Variants in KPNA7 observed in about 807,000 individuals in gnomAD.
KPNA7 encodes the protein karyopherin subunit alpha 7.
A neutral mutation model predicts 53.7 loss-of-function variants in KPNA7; 54 were observed. The ratio of observed to expected loss-of-function variants is 1.01; its 90% confidence interval spans 0.81 to 1.26. The LOEUF is 1.26. KPNA7 is among the 50% of genes most tolerant of loss of function. The pLI is 0.00. For synonymous variants in KPNA7, 276 were observed against 259.3 expected (o/e 1.06, Z -0.62); for missense variants, 640 against 644.5 (o/e 0.99, Z 0.07).
Position 99,187,822 on chromosome 7 carries a change from A to T in KPNA7, c.900+478T>A, listed in dbSNP as rs1283780935. Among the ~76,000 whole-genome samples the T allele has an allele frequency of 3.2e-4, 40 of 126,152 alleles. 1 individual carries two copies. Among genetic ancestry groups the T allele is most frequent in the African/African-American group, 1.0e-3 (33 of 31,676 alleles). The allele number at this position is 126,152 out of a possible 152,430, so 82.8% of individuals were successfully genotyped here. A position where few individuals can be genotyped will look rare whatever the true frequency, so the allele number is the denominator to read the frequency against. On this transcript the variant is annotated intron_variant, in intron 7 of 10. Transcript: ENST00000327442. ...TTTAAAAAAAAAAAAAAAAAAAAAAAAAAAAAAAAAAAACCCACTAGGATT... is the reference window on the plus strand; with the variant it reads ...TTTAAAAAAAAAAAAAAAAAAAAAATAAAAAAAAAAAAACCCACTAGGATT...
chr7:99,163,383 A>ATTTTTTT, the KPNA7 span, among the ~76,000 whole-genome samples: 21 of 40,810 alleles, frequency 5.1e-4, 2 homozygotes, highest in Admixed American at 9.8e-4. Context: ...ATATATATAT[A>ATTTTTTT]TTTTTTTTTT....
rs902233417 is a variant in KPNA7 at position 99,185,109 on chromosome 7, C to T, written c.954G>A (p.Thr318=). 24 of 1,551,870 alleles carry T rather than the reference C, an allele frequency of 1.5e-5. No individual in the cohort carries two copies. Among genetic ancestry groups the T allele is most frequent in the Non-Finnish European group, 1.9e-5 (22 of 1,147,084 alleles). ...GCATACCCGCATCAATGGCCATCTG[C>T]GTCTGCTCATCTGTGCCCGTGACAA... ...GNIVTGTDEQ[T]QMAIDAGMLN... Residue 318 remains threonine (T), a synonymous_variant, in exon 8 of 11, where the codon ACG becomes ACA. Coordinates refer to ENST00000327442, the MANE Select transcript of KPNA7 (RefSeq NM_001145715.3).
At chr7:99,145,995 C>T in the KPNA7 span, among the ~76,000 whole-genome samples, 1 of 152,188 alleles carries the variant, frequency 6.6e-6, no homozygotes, top group Non-Finnish European at 1.5e-5. Context: ...CAGCTGTTTC[C>T]ATTTGTAGAT....
intron 9 of KPNA7, among the ~76,000 whole-genome samples, chr7:99,180,018 G>A (rs1799095152): frequency 1.3e-5 from 2 of 152,160 alleles, no homozygotes; most frequent in African/African-American, 4.8e-5. Flanking sequence ...GTAACCAATA[G>A]GATGTTGTGG....
chr7:99,198,042 C>A (rs551908121), intron 3 of KPNA7, among the ~76,000 whole-genome samples: 28 of 152,062 alleles, frequency 1.8e-4, no homozygotes, highest in Middle Eastern at 3.4e-3. Flanking sequence ...TGTTGAAAGC[C>A]AAAACTACAG....
chr7:99,181,480 C>T (rs1167631162), intron 9 of KPNA7, among the ~76,000 whole-genome samples: 1 of 152,174 alleles, frequency 6.6e-6, no homozygotes, highest in Non-Finnish European at 1.5e-5. Flanking sequence ...CGAGATGGCT[C>T]TTTTTGTGTT....
the KPNA7 span, among the ~76,000 whole-genome samples, chr7:99,145,905 C>A: frequency 6.6e-6 from 1 of 152,154 alleles, no homozygotes; most frequent in Admixed American, 6.6e-5. Flanking sequence ...TTCTATGGCA[C>A]CTTGCGGCTC....
chr7:99,193,225 G>A (rs1193815409), intron 5 of KPNA7, 124 bp from the exon 6 acceptor site: 7 of 551,908 alleles, frequency 1.3e-5, no homozygotes, highest in Non-Finnish European at 2.1e-5. Context: ...TTAGCAAGTA[G>A]GTAGTAGAGC....
At chr7:99,205,230 T>A (rs1024427819) in intron 2 of KPNA7, among the ~76,000 whole-genome samples, 4 of 150,366 alleles carry the variant, frequency 2.7e-5, no homozygotes, top group Admixed American at 1.3e-4. Context: ...GAGACCATCC[T>A]GGCCAACATG....
At position 99,181,432 on chromosome 7, in the gene KPNA7, A is replaced by G. The variant is rs73401334; in HGVS notation, c.1317+451T>C. 7.3e-3 allele frequency among the ~76,000 whole-genome samples: 1,111 copies of G among 152,356 alleles called. 14 individuals carry two copies. The highest frequency in any genetic ancestry group is 0.026 in the African/African-American group (1,075 of 41,580). ...GAGCATCTGAAAAAATATCTGGCAC[A>G]TAGACATTTGTTTGAGAAAACGAAG... On this transcript the variant is annotated intron_variant, in intron 9 of 10. Transcript: ENST00000327442.
chr7:99,205,059 G>T (rs1009516180), intron 2 of KPNA7, among the ~76,000 whole-genome samples: 1 of 151,996 alleles, frequency 6.6e-6, no homozygotes, highest in African/African-American at 2.4e-5. Flanking sequence ...CGTTCTCACT[G>T]ATTTCCTTTA....
rs76014124 is a variant in KPNA7, at chr7:99,192,812, T to C, written c.636+207A>G. Among the ~76,000 whole-genome samples, 1,285 of 152,180 alleles carry C rather than the reference T, an allele frequency of 8.4e-3. 15 individuals carry two copies. Among genetic ancestry groups the C allele is most frequent in the African/African-American group, 0.03 (1,233 of 41,520 alleles). On this transcript the variant is annotated intron_variant, in intron 6 of 10. Coordinates refer to ENST00000327442, the MANE Select transcript of KPNA7 (RefSeq NM_001145715.3). The stretch of plus-strand genomic sequence containing the variant: ...TTTCCCAACATTAGAATTTGTTACC[T>C]AACGAGGTTCTCTCTCATTTAAAGA...
rs1563079535 is a variant in KPNA7 at position 99,193,098 on chromosome 7, T to TCAC, written c.554_556dup (p.Gly185dup). On this transcript the variant is annotated inframe_insertion, in exon 6 of 11. Transcript: ENST00000327442. Reference sequence around the variant, plus strand: ...GACGTTATCTCTGAACTCTGGGCCATCACCTACAAATAGAGCAGAATGTGA... The same window carrying TCAC: ...GACGTTATCTCTGAACTCTGGGCCATCACCACCTACAAATAGAGCAGAATGTGA... The TCAC allele has an allele frequency of 9.4e-6, 14 of 1,487,656 alleles. No homozygotes were observed. Among genetic ancestry groups the TCAC allele is most frequent in the Non-Finnish European group, 1.2e-5 (14 of 1,120,358 alleles). 92.2% of individuals were successfully genotyped at this position (1,487,656 alleles called of 1,614,324 possible). A position where few individuals can be genotyped will look rare whatever the true frequency, so the allele number is the denominator to read the frequency against.
intron 9 of KPNA7, among the ~76,000 whole-genome samples, chr7:99,179,885 A>AT (rs906792935): frequency 3.3e-5 from 5 of 151,946 alleles, no homozygotes; most frequent in African/African-American, 4.8e-5. Flanking sequence ...AAAAACAGTA[A>AT]TTTTTTAAAA....
the KPNA7 span, among the ~76,000 whole-genome samples, chr7:99,154,530 CTT>C: frequency 1.4e-5 from 2 of 142,108 alleles, no homozygotes; most frequent in Non-Finnish European, 3.1e-5. Flanking sequence ...AAACTTAGGT[CTT>C]TTTTTTTTTT....
At chr7:99,155,985 T>C in the KPNA7 span, among the ~76,000 whole-genome samples, 17 of 152,176 alleles carry the variant, frequency 1.1e-4, no homozygotes, top group Non-Finnish European at 2.1e-4. Flanking sequence ...GAAGATAGTC[T>C]ACCTGGAGCT....
At chr7:99,150,279 A>G in the KPNA7 span, among the ~76,000 whole-genome samples, 2 of 151,958 alleles carry the variant, frequency 1.3e-5, no homozygotes, top group African/African-American at 4.8e-5. Context: ...TATTTTTAGT[A>G]GAGACAGGGT....
At chr7:99,209,682 C>CAAAAAAAAAAAAAAA (rs60377276), upstream of KPNA7, among the ~76,000 whole-genome samples, 14 of 73,530 alleles carry the variant, frequency 1.9e-4, no homozygotes, top group African/African-American at 3.1e-4. Context: ...GACTCCAACT[C>CAAAAAAAAAAAAAAA]AAAAAAAAAA....
chr7:99,193,205 A>T, intron 5 of KPNA7, 104 bp from the exon 6 acceptor site: 3 of 654,260 alleles, frequency 4.6e-6, no homozygotes, highest in Non-Finnish European at 7.2e-6. Context: ...ACAAAAACTC[A>T]TTCCCGGGTT....
Sources: gnomAD v4.1 joint callset for allele counts (sites outside exome capture counted in the v4.1 genomes callset) on GRCh38, gnomAD v4.1.1 for gene constraint, MANE v1.5 for transcripts, NCBI Gene and HGNC (gene_info 2026-07-23, HGNC 2026-07-21) for gene names.